Variants in ARSJ observed in about 807,000 individuals in gnomAD.
The protein encoded by ARSJ is arylsulfatase family member J.
ARSJ carries 26 observed loss-of-function variants against 35.9 expected under a neutral mutation model. The observed-to-expected ratio is 0.72, with a 90% confidence interval of 0.53 to 1.00. ARSJ has a LOEUF of 1.00. Ranked by LOEUF, ARSJ falls within the 50% of genes least tolerant of loss-of-function variation. The pLI, the probability that ARSJ is intolerant of heterozygous loss-of-function variation, is 0.00. For synonymous variants in ARSJ, 294 were observed against 267.6 expected (o/e 1.10, Z -0.96); for missense variants, 667 against 723.6 (o/e 0.92, Z 0.90).
chr4:113,978,025 C>T (rs1374053900), intron 1 of ARSJ, among the ~76,000 whole-genome samples: 2 of 152,104 alleles, frequency 1.3e-5, no homozygotes, highest in South Asian at 2.1e-4. Context: ...TTTAAGAATG[C>T]ACCAAGAGTA....
chr4:113,950,071 G>T (rs1472975018), intron 1 of ARSJ, among the ~76,000 whole-genome samples: 8 of 152,070 alleles, frequency 5.3e-5, no homozygotes, highest in African/African-American at 1.9e-4. Context: ...ATGCTATACA[G>T]ATGTAAGCTA....
chr4:113,914,990 G>C (rs1229321084), intron 1 of ARSJ, among the ~76,000 whole-genome samples: 1 of 152,122 alleles, frequency 6.6e-6, no homozygotes, highest in East Asian at 1.9e-4. Context: ...TAAAAATAAA[G>C]AGAATTATTG....
chr4:113,902,441 T>C lies in ARSJ; in HGVS notation c.1633A>G (p.Arg545Gly). The change falls in exon 2 of 2, where the codon AGG (arginine) becomes GGG (glycine). Residue 545 changes from arginine (R) to glycine (G), a missense_variant. Arg to Gly is a moderately radical substitution (Grantham distance 125). Coordinates refer to ENST00000315366, the MANE Select transcript of ARSJ (RefSeq NM_024590.4). The part of the protein sequence containing the change: ...YPPKDPRSNP[R>G]LNGGVWGPWY... ...GGTCCCCAGACCCCTCCATTGAGCCTAGGGTTACTTCTGGGGTCTTTGGGG... is the reference window on the plus strand; with the variant it reads ...GGTCCCCAGACCCCTCCATTGAGCCCAGGGTTACTTCTGGGGTCTTTGGGG... 15 of 1,614,104 alleles carry C rather than the reference T, an allele frequency of 9.3e-6. No homozygotes were observed. The highest frequency in any genetic ancestry group is 1.3e-5 in the Non-Finnish European group (15 of 1,180,012).
rs747838791 is a variant in ARSJ at position 113,978,511 on chromosome 4, G to C, written c.324C>G (p.Ala108=). ...AGTAGTTCTCCAGTTTAACTCCTTCGGCAGCGAGCTTGTCAAGAGTAGGTG... is the reference window on the plus strand; with the variant it reads ...AGTAGTTCTCCAGTTTAACTCCTTCCGCAGCGAGCTTGTCAAGAGTAGGTG... ...IKTPTLDKLA[A]EGVKLENYYV... is the part of the protein sequence containing the mutation. Residue 108 remains alanine (A), a synonymous_variant, in exon 1 of 2, where the codon GCC becomes GCG. Transcript: ENST00000315366. The C allele has an allele frequency of 4.3e-5, 69 of 1,613,960 alleles. No individual in the cohort carries two copies. The highest frequency in any genetic ancestry group is 6.7e-5 in the East Asian group (3 of 44,900).
At chr4:113,945,476 G>A (rs1463696092) in intron 1 of ARSJ, among the ~76,000 whole-genome samples, 2 of 152,162 alleles carry the variant, frequency 1.3e-5, no homozygotes, top group South Asian at 4.1e-4. Flanking sequence ...TCCTGACAAT[G>A]ACACAAGAGA....
At chr4:113,935,864 T>C (rs1724735415) in intron 1 of ARSJ, among the ~76,000 whole-genome samples, 1 of 151,952 alleles carries the variant, frequency 6.6e-6, no homozygotes. Flanking sequence ...ATGTACAACT[T>C]CCATTAGGTA....
Position 113,958,219 on chromosome 4 carries a change from C to T in ARSJ, c.398+20218G>A, listed in dbSNP as rs74980454. On this transcript the variant is annotated intron_variant, in intron 1 of 1. Transcript: ENST00000315366. ...GCTGAACACCAGTTCTCTTGCCTGA[C>T]GCAACATGAACTGATTTAGGCAGTC... 0.013 allele frequency among the ~76,000 whole-genome samples: 2,037 copies of T among 152,028 alleles called. 72 individuals carry two copies. The East Asian group carries it at 0.14, about 11-fold the overall frequency.
At chr4:113,955,901 T>A (rs973873847) in intron 1 of ARSJ, among the ~76,000 whole-genome samples, 6 of 152,158 alleles carry the variant, frequency 3.9e-5, no homozygotes, top group Non-Finnish European at 8.8e-5. Flanking sequence ...TGTTGCCTTT[T>A]AGTATCTTCC....
chr4:113,930,243 G>A lies in ARSJ; in HGVS notation c.399-26568C>T, dbSNP rs577713870. Among the ~76,000 whole-genome samples, 26 of 152,104 alleles carry A rather than the reference G, an allele frequency of 1.7e-4. 1 individual carries two copies. Among genetic ancestry groups the A allele is most frequent in the Admixed American group, 1.6e-3 (25 of 15,258 alleles). ...GGCTGTCTGCAAGCTGAGGAGCAAG[G>A]AGAGCCAGTCAGAGTCCCAAAACTG... is the stretch of plus-strand genomic sequence containing the variant. On this transcript the variant is annotated intron_variant, in intron 1 of 1. Transcript: ENST00000315366.
At chr4:113,903,708 C>T (rs1361289711) in intron 1 of ARSJ, 33 bp from the exon 2 acceptor site, 21 of 1,560,814 alleles carry the variant, frequency 1.3e-5, no homozygotes, top group Non-Finnish European at 1.8e-5. Context: ...GTTATCAGGG[C>T]AGGATAAAAG....
chr4:113,917,440 A>C (rs1376538119), intron 1 of ARSJ, among the ~76,000 whole-genome samples: 1 of 152,198 alleles, frequency 6.6e-6, no homozygotes, highest in Non-Finnish European at 1.5e-5. Context: ...TTTTATAATA[A>C]TATAAGTGAA....
In ARSJ at chr4:113,903,422, A is replaced by C. The variant is rs771365468; in HGVS notation, c.652T>G (p.Cys218Gly). Residue 218 changes from cysteine to glycine, a missense_variant, in exon 2 of 2, where the codon TGT becomes GGT. Transcript: ENST00000315366. ...TCGTTTTCATACAAGTCATAGCCAC[A>C]CATCCCAGGACTGTCACATTTGTAG... ...THYKCDSPGM[C>G]GYDLYENDNA... 1.2e-6 allele frequency: 2 copies of C among 1,614,202 alleles called. No individual in the cohort carries two copies. Among genetic ancestry groups the C allele is most frequent in the Non-Finnish European group, 1.7e-6 (2 of 1,180,026 alleles).
chr4:113,957,207 T>C (rs999739585), intron 1 of ARSJ, among the ~76,000 whole-genome samples: 1 of 152,054 alleles, frequency 6.6e-6, no homozygotes, highest in African/African-American at 2.4e-5. Context: ...AATAAAGGCT[T>C]CAATGTGATG....
intron 1 of ARSJ, among the ~76,000 whole-genome samples, chr4:113,905,615 C>A: frequency 6.9e-6 from 1 of 145,660 alleles, no homozygotes; most frequent in Admixed American, 6.9e-5. Flanking sequence ...TTTTCATAAA[C>A]ATCATAAGTA....
At chr4:113,976,019 C>A (rs1727568448) in intron 1 of ARSJ, among the ~76,000 whole-genome samples, 1 of 152,130 alleles carries the variant, frequency 6.6e-6, no homozygotes, top group Non-Finnish European at 1.5e-5. Context: ...GGTCTGTACA[C>A]ATGAACGCTT....
chr4:113,953,308 T>C (rs1232881768), intron 1 of ARSJ, among the ~76,000 whole-genome samples: 2 of 152,184 alleles, frequency 1.3e-5, no homozygotes, highest in East Asian at 1.9e-4. Flanking sequence ...AGTGGACACA[T>C]CTTCTCACTT....
At chr4:113,950,329 C>A (rs1725780667) in intron 1 of ARSJ, among the ~76,000 whole-genome samples, 1 of 152,194 alleles carries the variant, frequency 6.6e-6, no homozygotes, top group South Asian at 2.1e-4. Flanking sequence ...CCTGCCTCTG[C>A]TGCAACCTCA....
At chr4:113,932,935 G>C (rs935038196) in intron 1 of ARSJ, among the ~76,000 whole-genome samples, 6 of 151,810 alleles carry the variant, frequency 4.0e-5, no homozygotes, top group African/African-American at 7.2e-5. Context: ...ATTTTGAAGA[G>C]AGAAACAGAA....
At chr4:113,923,691 A>G (rs1723826486) in intron 1 of ARSJ, among the ~76,000 whole-genome samples, 1 of 152,052 alleles carries the variant, frequency 6.6e-6, no homozygotes, top group African/African-American at 2.4e-5. Context: ...AGTAAGGGAG[A>G]AGTGATTTAA....
Sources: gnomAD v4.1 joint callset for allele counts (sites outside exome capture counted in the v4.1 genomes callset) on GRCh38, gnomAD v4.1.1 for gene constraint, MANE v1.5 for transcripts, NCBI Gene and HGNC (gene_info 2026-07-23, HGNC 2026-07-21) for gene names.